Variants in PEBP4 observed in about 807,000 individuals in gnomAD.
PEBP4 encodes the protein phosphatidylethanolamine-binding protein 4.
Under a neutral mutation model 23.9 loss-of-function variants are expected in PEBP4, and 22 were observed. The ratio of observed to expected loss-of-function variants is 0.92; its 90% confidence interval spans 0.66 to 1.31. The LOEUF is 1.31. Ranked by LOEUF, PEBP4 falls within the 40% of genes most tolerant of loss-of-function variation. The pLI, the probability that PEBP4 is intolerant of heterozygous loss-of-function variation, is 0.00. For missense variants in PEBP4, 324 were observed against 281.7 expected (o/e 1.15, Z -1.07); for synonymous variants, 112 against 99.3 (o/e 1.13, Z -0.76).
chr8:22,867,438 A>G (rs1362958938), intron 3 of PEBP4, among the ~76,000 whole-genome samples: 1 of 152,102 alleles, frequency 6.6e-6, no homozygotes, highest in Non-Finnish European at 1.5e-5. Context: ...CGTTCTGCCC[A>G]TCTCACAGAG....
chr8:22,793,758 G>T (rs1329935123), intron 4 of PEBP4, among the ~76,000 whole-genome samples: 3 of 152,026 alleles, frequency 2.0e-5, no homozygotes, highest in Non-Finnish European at 4.4e-5. Flanking sequence ...AACACGCCCT[G>T]CCTTATTTTG....
chr8:22,879,144 T>A (rs966083683), intron 3 of PEBP4: 5 of 152,200 alleles, frequency 3.3e-5, no homozygotes, highest in African/African-American at 1.2e-4. Flanking sequence ...ATATCCCCAG[T>A]GACGATGAAG....
chr8:22,933,021 G>T (rs1013568971), intron 1 of PEBP4, among the ~76,000 whole-genome samples: 35 of 131,700 alleles, frequency 2.7e-4, no homozygotes, highest in African/African-American at 1.1e-3. Context: ...AAAAAAAAAA[G>T]GTTGGAAATT....
rs779899892 is a variant in PEBP4 at position 22,920,344 on chromosome 8, G to T, written c.132-34C>A. Reference sequence around the variant, plus strand: ...AGAGAGGGGAGGTTGCCCTGTGTCAGGGTTTTAAGGGAGCCTGGGGTTCCC... The same window carrying T: ...AGAGAGGGGAGGTTGCCCTGTGTCATGGTTTTAAGGGAGCCTGGGGTTCCC... On this transcript the variant is annotated intron_variant, in intron 2 of 6. Transcript: ENST00000256404. The T allele has an allele frequency of 6.3e-6, 10 of 1,590,712 alleles. No homozygotes were observed. The South Asian group carries it at 6.7e-5, about 11-fold the overall frequency.
intron 3 of PEBP4, among the ~76,000 whole-genome samples, chr8:22,901,959 G>A (rs1402961053): frequency 6.6e-6 from 1 of 152,210 alleles, no homozygotes; most frequent in Non-Finnish European, 1.5e-5. Context: ...CAGAAGATGA[G>A]CTTAGAAAGA....
In PEBP4 at chr8:22,720,076, G is replaced by A. The variant is rs557998394; in HGVS notation, c.517+4767C>T. ...TAACTGAAAGCCAACAGTGGGCTGG[G>A]CACAGGGACAGGTGGGAGAAGGGAA... On this transcript the variant is annotated intron_variant, in intron 6 of 6. Coordinates refer to ENST00000256404, the MANE Select transcript of PEBP4 (RefSeq NM_144962.3). Among the ~76,000 whole-genome samples the A allele has an allele frequency of 5.9e-5, 9 of 152,350 alleles. No individual in the cohort carries two copies. The East Asian group carries it at 1.5e-3, about 26-fold the overall frequency.
chr8:22,781,906 C>A (rs1335819968), intron 4 of PEBP4, among the ~76,000 whole-genome samples: 1 of 152,198 alleles, frequency 6.6e-6, no homozygotes, highest in Non-Finnish European at 1.5e-5. Flanking sequence ...CTCAGCAAGG[C>A]CCAGGTAACC....
In PEBP4 at chr8:22,874,999, T is replaced by C. The variant is rs142212384; in HGVS notation, c.258+45185A>G. ...GAAATGGAGGTTCTGGTGGTCTACC[T>C]GCCCATCCTGTTTTCTGGGTGGGGT... On this transcript the variant is annotated intron_variant, in intron 3 of 6. Transcript: ENST00000256404. Among the ~76,000 whole-genome samples, 192 of 152,284 alleles carry C rather than the reference T, an allele frequency of 1.3e-3. 1 individual carries two copies. The highest frequency in any genetic ancestry group is 4.3e-3 in the African/African-American group (179 of 41,556).
intron 3 of PEBP4, among the ~76,000 whole-genome samples, chr8:22,893,456 C>CA (rs1563252036): frequency 6.6e-6 from 1 of 151,688 alleles, no homozygotes; most frequent in Admixed American, 6.6e-5. Context: ...ATAACAAGGA[C>CA]AAAAAACAAT....
intron 3 of PEBP4, among the ~76,000 whole-genome samples, chr8:22,852,324 T>C (rs1241073864): frequency 6.6e-6 from 1 of 152,150 alleles, no homozygotes; most frequent in Non-Finnish European, 1.5e-5. Context: ...CTATCTGTTG[T>C]AGTGAGGCAA....
chr8:22,787,424 G>A (rs998464153), intron 4 of PEBP4, among the ~76,000 whole-genome samples: 2 of 152,114 alleles, frequency 1.3e-5, no homozygotes, highest in African/African-American at 4.8e-5. Context: ...CCTTCCATAA[G>A]GTCTGGAAAT....
chr8:22,891,405 C>T (rs1375295671), intron 3 of PEBP4, among the ~76,000 whole-genome samples: 1 of 152,196 alleles, frequency 6.6e-6, no homozygotes, highest in Non-Finnish European at 1.5e-5. Context: ...TCATCTCCCT[C>T]CAATGAAACC....
At chr8:22,937,349 T>C (rs1270446751) in intron 1 of PEBP4, among the ~76,000 whole-genome samples, 2 of 152,118 alleles carry the variant, frequency 1.3e-5, no homozygotes, top group African/African-American at 4.8e-5. Flanking sequence ...TATGATTACA[T>C]AAAGCAGAAT....
chr8:22,825,375 C>A (rs1242455648), intron 3 of PEBP4, among the ~76,000 whole-genome samples: 4 of 152,142 alleles, frequency 2.6e-5, no homozygotes, highest in African/African-American at 9.7e-5. Flanking sequence ...TTAAGCATAG[C>A]CAAGACAGAA....
In PEBP4 at chr8:22,831,356, T is replaced by C. The variant is rs116035242; in HGVS notation, c.259-13621A>G. The stretch of plus-strand genomic sequence containing the variant: ...CACAAGAGTATGACCCCCTTGAAAG[T>C]GGGGATGGCATCTATTTCTGCTTGC... On this transcript the variant is annotated intron_variant, in intron 3 of 6. Coordinates refer to ENST00000256404, the MANE Select transcript of PEBP4 (RefSeq NM_144962.3). 6.3e-3 allele frequency among the ~76,000 whole-genome samples: 952 copies of C among 152,306 alleles called. 7 individuals carry two copies. Among genetic ancestry groups the C allele is most frequent in the African/African-American group, 0.022 (895 of 41,572 alleles).
Position 22,806,220 on chromosome 8 carries a change from A to G in PEBP4, c.357+11417T>C, listed in dbSNP as rs545202315. Among the ~76,000 whole-genome samples the G allele has an allele frequency of 1.7e-4, 26 of 152,334 alleles. 1 individual carries two copies. In the South Asian group the frequency reaches 5.2e-3, roughly 30 times the overall value. The stretch of plus-strand genomic sequence containing the variant: ...AATTTAAATTTCTCAATGCAGGCAC[A>G]TCCTTTTGATTTGCCAAAATTAACT... On this transcript the variant is annotated intron_variant, in intron 4 of 6. Transcript: ENST00000256404.
intron 4 of PEBP4, among the ~76,000 whole-genome samples, chr8:22,735,535 GGGGATAA>G (rs775448350): frequency 1.6e-4 from 25 of 152,344 alleles, no homozygotes; most frequent in Non-Finnish European, 2.6e-4. Flanking sequence ...AATGCAGGAT[GGGGATAA>G]GACTGGAATG....
intron 3 of PEBP4, among the ~76,000 whole-genome samples, chr8:22,861,316 C>T (rs1206464834): frequency 2.0e-5 from 3 of 152,224 alleles, no homozygotes; most frequent in Non-Finnish European, 2.9e-5. Flanking sequence ...TGTGCTCTTT[C>T]CATGTACCAG....
chr8:22,841,778 C>T (rs888253378), intron 3 of PEBP4, among the ~76,000 whole-genome samples: 5 of 152,266 alleles, frequency 3.3e-5, no homozygotes, highest in African/African-American at 9.6e-5. Context: ...TCCCTAAAGA[C>T]ACCAGCCCAA....
Sources: gnomAD v4.1 joint callset for allele counts (sites outside exome capture counted in the v4.1 genomes callset) on GRCh38, gnomAD v4.1.1 for gene constraint, MANE v1.5 for transcripts, NCBI Gene and HGNC (gene_info 2026-07-23, HGNC 2026-07-21) for gene names.